Variants in PKD1L1 observed in about 807,000 individuals in gnomAD.
PKD1L1 encodes polycystin-1-like protein 1.
Under a neutral mutation model 323.4 loss-of-function variants are expected in PKD1L1, and 236 were observed. The observed-to-expected ratio is 0.73, with a 90% CI of 0.66 to 0.81. PKD1L1 has a LOEUF of 0.81. Among genes scored for constraint, PKD1L1 ranks in the 40% least tolerant of loss-of-function variants. PKD1L1 has a pLI of 0.00. For synonymous variants in PKD1L1, 1,344 were observed against 1,335.0 expected (o/e 1.01, Z -0.15); for missense variants, 3,320 against 3,508.0 (o/e 0.95, Z 1.35).
chr7:47,848,329 G>C (rs534975119), intron 31 of PKD1L1, among the ~76,000 whole-genome samples: 1 of 152,076 alleles, frequency 6.6e-6, no homozygotes, highest in Admixed American at 6.5e-5. Context: ...CTATACAATG[G>C]AGAAGCACAT....
intron 54 of PKD1L1, 62 bp from the exon 55 acceptor site, chr7:47,796,212 TA>T: frequency 7.4e-7 from 1 of 1,359,702 alleles, no homozygotes; most frequent in South Asian, 1.4e-5. Flanking sequence ...AGAGCTTTGT[TA>T]ACGTGATAAA....
chr7:47,942,928 C>T (rs748389767), intron 2 of PKD1L1, among the ~76,000 whole-genome samples: 54 of 152,116 alleles, frequency 3.5e-4, no homozygotes, highest in East Asian at 9.7e-4. Context: ...GGGCAGATCA[C>T]GAGGTCAGGA....
chr7:47,885,932 G>T lies in PKD1L1; in HGVS notation c.2959C>A (p.Pro987Thr). The change falls in exon 18 of 57, where the codon CCA (proline) becomes ACA (threonine). Residue 987 changes from proline to threonine, a missense_variant. Transcript: ENST00000289672. ...GTADPDATTT[P>T]FSREPSPVTL... is the part of the protein sequence containing the mutation. ...ACGGGTGAAGGTTCCCGTGAGAATG[G>T]TGTGGTCGTTGCATCAGGATCTGCA... The T allele has an allele frequency of 6.2e-7, 1 of 1,614,198 alleles. No individual in the cohort carries two copies. The highest frequency in any genetic ancestry group is 8.5e-7 in the Non-Finnish European group (1 of 1,180,044).
At chr7:47,876,005 T>C in intron 23 of PKD1L1, 92 bp downstream of exon 23, 1 of 1,407,898 alleles carries the variant, frequency 7.1e-7, no homozygotes, top group East Asian at 2.3e-5. Flanking sequence ...GATTTTATTT[T>C]CTAGACACAG....
chr7:47,939,098 A>G (rs772435713), intron 3 of PKD1L1, among the ~76,000 whole-genome samples: 6 of 151,818 alleles, frequency 4.0e-5, no homozygotes, highest in South Asian at 2.1e-4. Context: ...CCTCTCCCCA[A>G]CCTCCTGTTC....
intron 9 of PKD1L1, 63 bp from the exon 10 acceptor site, chr7:47,906,025 A>C (rs1787199019): frequency 7.0e-7 from 1 of 1,426,266 alleles, no homozygotes; most frequent in Admixed American, 2.6e-5. Context: ...TTTATCATGC[A>C]ACACACAGTC....
chr7:47,850,735 G>A (rs1262342464), intron 31 of PKD1L1, among the ~76,000 whole-genome samples: 1 of 150,890 alleles, frequency 6.6e-6, no homozygotes, highest in Non-Finnish European at 1.5e-5. Flanking sequence ...AACCCACAGA[G>A]AAAATAATTA....
At position 47,811,833 on chromosome 7, in the gene PKD1L1, T is replaced by C; in HGVS notation, c.7565A>G (p.His2522Arg). 2.5e-6 allele frequency: 4 copies of C among 1,603,178 alleles called. No individual in the cohort carries two copies. The highest frequency in any genetic ancestry group is 1.7e-5 in the Admixed American group (1 of 58,832). ...TCAGCTCACCTGGGGAAGCATGAGG[T>C]GGTACTGCAGGGCTGAGTCGCTGCG... ...IFRSDSALQY[H>R]LMLPQLVFLA... The change falls in exon 50 of 57, where the codon CAC (histidine) becomes CGC (arginine). Residue 2522 changes from histidine to arginine, a missense_variant. His to Arg is a conservative substitution (Grantham distance 29). Transcript: ENST00000289672.
intron 56 of PKD1L1, among the ~76,000 whole-genome samples, chr7:47,783,962 GAAC>G (rs761667977): frequency 2.4e-4 from 37 of 152,168 alleles, no homozygotes; most frequent in Non-Finnish European, 4.6e-4. Flanking sequence ...CAACTTTCTT[GAAC>G]CCTGCTAGGA....
the PKD1L1 span, among the ~76,000 whole-genome samples, chr7:47,954,155 G>A: frequency 2.0e-5 from 3 of 152,170 alleles, no homozygotes; most frequent in African/African-American, 7.2e-5. Context: ...GCTAAGACAC[G>A]CCAACCAAAC....
At chr7:47,904,009 A>T (rs1285324865) in intron 12 of PKD1L1, among the ~76,000 whole-genome samples, 1 of 152,028 alleles carries the variant, frequency 6.6e-6, no homozygotes, top group Non-Finnish European at 1.5e-5. Context: ...GTCACTCCAA[A>T]CATCTCCTGT....
chr7:47,948,309 CTA>C, intron 1 of PKD1L1, 86 bp downstream of exon 1: 1 of 1,487,888 alleles, frequency 6.7e-7, no homozygotes, highest in Admixed American at 1.7e-5. Context: ...AGCCCACATC[CTA>C]GAGGTGATGA....
At chr7:47,830,250 C>A in intron 42 of PKD1L1, 126 bp from the exon 43 acceptor site, 2 of 724,004 alleles carry the variant, frequency 2.8e-6, no homozygotes, top group Non-Finnish European at 2.3e-6. Context: ...AGGAAGCCTG[C>A]TGTGGGGGTG....
At chr7:47,821,255 G>T in intron 45 of PKD1L1, 69 bp from the exon 46 acceptor site, 1 of 836,818 alleles carries the variant, frequency 1.2e-6, no homozygotes. Context: ...GCTTCAATTT[G>T]CAAAAGATTT....
At chr7:47,931,898 T>C (rs1332724120) in intron 5 of PKD1L1, 38 bp downstream of exon 5, 1 of 1,588,354 alleles carries the variant, frequency 6.3e-7, no homozygotes, top group Non-Finnish European at 8.6e-7. Flanking sequence ...CACCAGCAGC[T>C]TTCTGATGAA....
At chr7:47,914,731 C>T (rs974825601) in intron 8 of PKD1L1, among the ~76,000 whole-genome samples, 1 of 151,722 alleles carries the variant, frequency 6.6e-6, no homozygotes, top group African/African-American at 2.4e-5. Context: ...TCCTCCCTCT[C>T]TTTCTCTCTC....
chr7:47,784,948 T>C (rs866605882), intron 56 of PKD1L1, among the ~76,000 whole-genome samples: 15 of 152,118 alleles, frequency 9.9e-5, no homozygotes, highest in Non-Finnish European at 1.3e-4. Flanking sequence ...CCACCACTTC[T>C]TTTTGCTCAA....
intron 46 of PKD1L1, chr7:47,819,579 C>T: frequency 7.3e-7 from 1 of 1,364,460 alleles, no homozygotes; most frequent in Non-Finnish European, 9.8e-7. Flanking sequence ...ATGGAAATAA[C>T]TGCTGGTTTC....
chr7:47,779,385 A>G (rs1379887011), intron 56 of PKD1L1, among the ~76,000 whole-genome samples: 5 of 152,192 alleles, frequency 3.3e-5, no homozygotes, highest in African/African-American at 1.2e-4. Context: ...TTTTGTGGTT[A>G]AATTATGCTG....
Sources: allele counts gnomAD v4.1 joint callset (sites outside exome capture counted in the v4.1 genomes callset), GRCh38; gene constraint gnomAD v4.1.1; transcripts MANE v1.5; gene names NCBI Gene and HGNC (gene_info 2026-07-23, HGNC 2026-07-21).